The following SAP18 variants were observed in gnomAD, a reference collection of about 807,000 sequenced individuals.
SAP18 encodes the protein histone deacetylase complex subunit SAP18.
A neutral mutation model predicts 18.6 loss-of-function variants in SAP18; 4 were observed. The ratio of observed to expected loss-of-function variants is 0.21; its 90% CI spans 0.11 to 0.49. The LOEUF (loss-of-function observed/expected upper bound fraction) is 0.49, where lower values mean the gene tolerates loss of function less well. SAP18 is among the 20% of genes least tolerant of loss of function. The pLI, the probability that SAP18 is intolerant of heterozygous loss-of-function variation, is 0.98. For missense variants in SAP18, 170 were observed against 226.4 expected (o/e 0.75, Z 1.60); for synonymous variants, 112 against 82.8 (o/e 1.35, Z -1.92).
exon 4 of SAP18, chr13:21,147,638 G>A (rs1280935235): frequency 3.4e-6 from 1 of 297,658 alleles, no homozygotes; most frequent in African/African-American, 2.2e-5. Context: ...CCTGGGAACA[G>A]GGTTTATACT....
chr13:21,140,702 G>C lies in SAP18; in HGVS notation c.129+21G>C, dbSNP rs368803461. On this transcript the variant is annotated intron_variant, in intron 1 of 3. Coordinates refer to ENST00000621421, the Ensembl canonical transcript of SAP18. ...AGAAGGTGAAGGCCCCCTCCGCTTT[G>C]GGGTCCGGGAAGAGGTTGGGGATGA... 3.1e-6 allele frequency: 5 copies of C among 1,607,042 alleles called. No individual in the cohort carries two copies. The African/African-American group carries it at 6.7e-5, about 22-fold the overall frequency.
At chr13:21,147,345 TC>T in exon 4 of SAP18, 1 of 1,598,384 alleles carries the variant, frequency 6.3e-7, no homozygotes, top group Non-Finnish European at 8.5e-7. Context: ...CATATTAAAT[TC>T]TATTTACTAT....
intron 2 of SAP18, among the ~76,000 whole-genome samples, chr13:21,144,216 C>A (rs1869562309): frequency 1.3e-5 from 2 of 152,058 alleles, no homozygotes; most frequent in African/African-American, 4.8e-5. Context: ...ACCAGCCTGG[C>A]CAACATGGTG....
At chr13:21,143,286 A>G (rs1595289073) in intron 2 of SAP18, among the ~76,000 whole-genome samples, 1 of 152,236 alleles carries the variant, frequency 6.6e-6, no homozygotes, top group African/African-American at 2.4e-5. Flanking sequence ...AGGAACCACC[A>G]AACTTTTTCA....
intron 2 of SAP18, chr13:21,141,298 T>C: frequency 2.4e-6 from 1 of 424,972 alleles, no homozygotes; most frequent in Non-Finnish European, 4.4e-6. Flanking sequence ...TATGTTGTAG[T>C]ATCTGCCCTA....
intron 2 of SAP18, among the ~76,000 whole-genome samples, chr13:21,142,471 C>T (rs988351768): frequency 3.3e-5 from 5 of 151,600 alleles, no homozygotes; most frequent in African/African-American, 1.2e-4. Context: ...GGATTACAGG[C>T]GCCCGCCACC....
intron 2 of SAP18, among the ~76,000 whole-genome samples, chr13:21,143,338 T>C (rs1377689208): frequency 1.3e-5 from 2 of 152,180 alleles, no homozygotes; most frequent in African/African-American, 4.8e-5. Flanking sequence ...GATGTATAAT[T>C]TTAAACTATT....
At chr13:21,146,613 G>C (rs559371700) in intron 2 of SAP18, 192 bp from the exon 3 acceptor site, 26 of 409,442 alleles carry the variant, frequency 6.4e-5, no homozygotes, top group Middle Eastern at 1.4e-3. Context: ...CAGCAGTAAG[G>C]CTGGTACATG....
At chr13:21,140,493 C>T (rs1869406898), upstream of SAP18, 6 of 1,508,458 alleles carry the variant, frequency 4.0e-6, no homozygotes, top group African/African-American at 5.6e-5. Flanking sequence ...GGAGACGCCC[C>T]GCCCAGCCCC....
rs527864744 is a variant in SAP18, at chr13:21,148,666, G to C, written c.*1324G>C. 5 of 152,020 alleles carry C rather than the reference G, an allele frequency of 3.3e-5. No homozygotes were observed. In the East Asian group the frequency reaches 9.7e-4, roughly 29 times the overall value. The allele number at this position is 152,020 out of a possible 1,614,324, so 9.4% of individuals were successfully genotyped here. ...TGCTGTGGTTTACCCCAAACCTTTA[G>C]GTTGTTTATTCATTCAGATTAGATA... is the stretch of plus-strand genomic sequence containing the variant. On this transcript the variant is annotated 3_prime_UTR_variant, in exon 4 of 4. Transcript: ENST00000621421.
chr13:21,147,149 A>T, intron 3 of SAP18, 37 bp from the exon 4 acceptor site: 1 of 1,591,752 alleles, frequency 6.3e-7, no homozygotes. Context: ...GGTTTCATTG[A>T]TTTGGATCCA....
chr13:21,142,845 G>A lies in SAP18; in HGVS notation c.239+1850G>A, dbSNP rs181571812. Among the ~76,000 whole-genome samples the A allele has an allele frequency of 9.7e-4, 147 of 152,146 alleles. 1 individual carries two copies. The highest frequency in any genetic ancestry group is 1.9e-4 in the Non-Finnish European group (13 of 68,002). ...TGGGACTACAGGCACACACCACCAT[G>A]CCCAGTGTGCCGGTACCCTGTTAAG... On this transcript the variant is annotated intron_variant, in intron 2 of 3. Coordinates refer to ENST00000621421, the Ensembl canonical transcript of SAP18.
intron 2 of SAP18, among the ~76,000 whole-genome samples, chr13:21,145,701 C>G (rs999510660): frequency 2.6e-5 from 4 of 152,104 alleles, no homozygotes; most frequent in Admixed American, 6.5e-5. Context: ...TTAGTAGAAA[C>G]GGGGTTTCAC....
chr13:21,142,324 C>T (rs188001774), intron 2 of SAP18, among the ~76,000 whole-genome samples: 23 of 150,932 alleles, frequency 1.5e-4, no homozygotes, highest in African/African-American at 4.4e-4. Context: ...CAAAATTTGC[C>T]GTGTTAACCA....
At chr13:21,140,798 A>T (rs1331377425) in intron 1 of SAP18, 88 bp from the exon 2 acceptor site, 2 of 1,574,804 alleles carry the variant, frequency 1.3e-6, no homozygotes, top group Admixed American at 3.4e-5. Flanking sequence ...GGAGGCTCGG[A>T]GGCCGCAACG....
At chr13:21,142,719 A>C (rs1040824072) in intron 2 of SAP18, among the ~76,000 whole-genome samples, 1 of 152,024 alleles carries the variant, frequency 6.6e-6, no homozygotes, top group Non-Finnish European at 1.5e-5. Context: ...CCCTCCCTCC[A>C]ACAGAAACCC....
At chr13:21,143,048 G>A (rs1463194621) in intron 2 of SAP18, among the ~76,000 whole-genome samples, 1 of 152,130 alleles carries the variant, frequency 6.6e-6, no homozygotes, top group African/African-American at 2.4e-5. Context: ...TAATGTTGTA[G>A]CATCCATTTA....
intron 2 of SAP18, chr13:21,146,330 G>C (rs1307374622): frequency 6.5e-6 from 1 of 153,480 alleles, no homozygotes; most frequent in Non-Finnish European, 1.5e-5. Context: ...CTGGGCGACA[G>C]AGCGAGACTC....
intron 2 of SAP18, among the ~76,000 whole-genome samples, chr13:21,144,275 G>C (rs111243516): frequency 9.9e-5 from 15 of 151,898 alleles, no homozygotes; most frequent in African/African-American, 3.4e-4. Context: ...CATGGTGGCG[G>C]GTGCCTGTAA....
Sources: gnomAD v4.1 joint callset for allele counts (sites outside exome capture counted in the v4.1 genomes callset) on GRCh38, gnomAD v4.1.1 for gene constraint, MANE v1.5 for transcripts, NCBI Gene and HGNC (gene_info 2026-07-23, HGNC 2026-07-21) for gene names.